The following EHHADH variants were observed in gnomAD, a reference collection of about 807,000 sequenced individuals.
EHHADH encodes enoyl-CoA hydratase and 3-hydroxyacyl CoA dehydrogenase, also known as peroxisomal bifunctional enzyme.
A neutral mutation model predicts 64.4 loss-of-function variants in EHHADH; 48 were observed. The observed-to-expected ratio is 0.75, with a 90% CI of 0.59 to 0.95. The LOEUF is 0.95. EHHADH is among the 40% of genes least tolerant of loss of function. The pLI is 0.00. For synonymous variants in EHHADH, 308 were observed against 326.7 expected (o/e 0.94, Z 0.62); for missense variants, 854 against 876.6 (o/e 0.97, Z 0.33).
At chr3:185,195,231 T>G (rs1390439690) in intron 6 of EHHADH, among the ~76,000 whole-genome samples, 1 of 152,076 alleles carries the variant, frequency 6.6e-6, no homozygotes, top group Non-Finnish European at 1.5e-5. Context: ...AAGCAACACA[T>G]GGGTAATAAT....
intron 5 of EHHADH, 36 bp from the exon 6 acceptor site, chr3:185,204,793 G>T (rs1372028748): frequency 1.3e-6 from 2 of 1,516,506 alleles, no homozygotes; most frequent in East Asian, 4.6e-5. Context: ...CTTTGGAAAT[G>T]TTACTTGTAC....
intron 6 of EHHADH, among the ~76,000 whole-genome samples, chr3:185,201,882 C>T (rs1490076033): frequency 6.6e-6 from 1 of 152,166 alleles, no homozygotes; most frequent in Non-Finnish European, 1.5e-5. Context: ...TACCAGCTTG[C>T]TATTATTTGC....
Position 185,239,499 on chromosome 3 carries a change from T to C in EHHADH, c.179-4037A>G, listed in dbSNP as rs559651407. ...GTACCCCTTGTAGAGATCTTTCACC[T>C]CATTGGTTAAATGTATTCCTAGGTA... On this transcript the variant is annotated intron_variant, in intron 2 of 6. Transcript: ENST00000231887. Among the ~76,000 whole-genome samples, 229 of 152,318 alleles carry C rather than the reference T, an allele frequency of 1.5e-3. 2 individuals carry two copies. Among genetic ancestry groups the C allele is most frequent in the African/African-American group, 4.6e-3 (193 of 41,582 alleles).
intron 6 of EHHADH, among the ~76,000 whole-genome samples, chr3:185,198,966 G>A (rs764201877): frequency 3.5e-4 from 54 of 152,196 alleles, no homozygotes; most frequent in South Asian, 1.0e-3. Context: ...TCAACCTTCA[G>A]GGAGCTTCTG....
intron 4 of EHHADH, among the ~76,000 whole-genome samples, chr3:185,218,725 G>GT (rs966019429): frequency 1.3e-4 from 20 of 151,554 alleles, no homozygotes; most frequent in Admixed American, 3.9e-4. Flanking sequence ...GCTGTGGATG[G>GT]TTAAAAAAAA....
chr3:185,192,097 G>T lies in EHHADH; in HGVS notation c.*129C>A. On this transcript the variant is annotated 3_prime_UTR_variant, in exon 7 of 7. Coordinates refer to ENST00000231887, the MANE Select transcript of EHHADH (RefSeq NM_001966.4). ...TGACCATTAGAGTCGTTACACAGAA[G>T]ATTCTAATGATTATTTATTTTGCTT... The T allele has an allele frequency of 9.0e-7, 1 of 1,107,998 alleles. No homozygotes were observed. Among genetic ancestry groups the T allele is most frequent in the Non-Finnish European group, 1.3e-6 (1 of 778,402 alleles). 68.6% of individuals were successfully genotyped at this position (1,107,998 alleles called of 1,614,324 possible). A position where few individuals can be genotyped will look rare whatever the true frequency, so the allele number is the denominator to read the frequency against.
intron 2 of EHHADH, among the ~76,000 whole-genome samples, chr3:185,239,899 T>C (rs1489698803): frequency 6.6e-6 from 1 of 152,176 alleles, no homozygotes; most frequent in Admixed American, 6.5e-5. Context: ...TCATTCAGTA[T>C]GATGTTGGCT....
At chr3:185,223,377 T>G (rs1403344465) in intron 4 of EHHADH, among the ~76,000 whole-genome samples, 1 of 152,186 alleles carries the variant, frequency 6.6e-6, no homozygotes, top group Non-Finnish European at 1.5e-5. Flanking sequence ...TAGTTTAGAA[T>G]AATGTGAGTT....
At chr3:185,204,843 C>A in intron 5 of EHHADH, 86 bp from the exon 6 acceptor site, 1 of 1,153,630 alleles carries the variant, frequency 8.7e-7, no homozygotes, top group South Asian at 1.6e-5. Context: ...ATAACCTGTT[C>A]AAATTCAAAG....
chr3:185,243,694 C>A (rs578121150), intron 2 of EHHADH, among the ~76,000 whole-genome samples: 1 of 152,044 alleles, frequency 6.6e-6, no homozygotes, highest in African/African-American at 2.4e-5. Flanking sequence ...TAATATGAAA[C>A]GATACTTGAT....
chr3:185,218,385 T>C (rs912835676), intron 4 of EHHADH, 145 bp from the exon 5 acceptor site: 6 of 474,320 alleles, frequency 1.3e-5, no homozygotes, highest in African/African-American at 1.2e-4. Flanking sequence ...CCACACTCAC[T>C]GAAAGAATAG....
At chr3:185,207,025 C>T (rs1481071266) in intron 5 of EHHADH, among the ~76,000 whole-genome samples, 4 of 151,978 alleles carry the variant, frequency 2.6e-5, no homozygotes, top group Non-Finnish European at 5.9e-5. Flanking sequence ...CAGTAGCCCA[C>T]GCCTGTAATT....
At chr3:185,202,625 G>A (rs1157902357) in intron 6 of EHHADH, among the ~76,000 whole-genome samples, 3 of 152,100 alleles carry the variant, frequency 2.0e-5, no homozygotes, top group South Asian at 2.1e-4. Flanking sequence ...CTTGACCTCC[G>A]CCTCCTGTCG....
intron 5 of EHHADH, among the ~76,000 whole-genome samples, chr3:185,210,492 G>C (rs1448596911): frequency 6.6e-6 from 1 of 151,974 alleles, no homozygotes; most frequent in Admixed American, 6.6e-5. Flanking sequence ...AAATTAGCCA[G>C]GCGTGGTGGG....
chr3:185,228,251 A>T (rs1265874958), intron 4 of EHHADH, among the ~76,000 whole-genome samples: 2 of 59,596 alleles, frequency 3.4e-5, no homozygotes, highest in Non-Finnish European at 4.6e-5. Flanking sequence ...AAAAAAAAAA[A>T]AAAAAAATAT....
chr3:185,236,016 T>C (rs1353434915), intron 2 of EHHADH, among the ~76,000 whole-genome samples: 1 of 152,188 alleles, frequency 6.6e-6, no homozygotes, highest in Non-Finnish European at 1.5e-5. Flanking sequence ...TAGATTTTTA[T>C]CTTCAATAAA....
intron 4 of EHHADH, among the ~76,000 whole-genome samples, chr3:185,221,982 C>G (rs570519597): frequency 9.1e-4 from 138 of 152,188 alleles, no homozygotes; most frequent in African/African-American, 3.1e-3. Context: ...CCCCTTTGCA[C>G]TCTTAAAAAT....
chr3:185,253,630 A>C (rs937534408), intron 1 of EHHADH, among the ~76,000 whole-genome samples: 1 of 151,766 alleles, frequency 6.6e-6, no homozygotes, highest in Non-Finnish European at 1.5e-5. Flanking sequence ...AGTAAGCAGG[A>C]GGGCTCCGCA....
At position 185,192,740 on chromosome 3, in the gene EHHADH, C is replaced by CT. The variant is rs962197042; in HGVS notation, c.1657dup (p.Arg553LysfsTer3). On this transcript the variant is annotated frameshift_variant, in exon 7 of 7. Transcript: ENST00000231887. LOFTEE classifies it high-confidence loss of function. ...AATTGGGCAGTACCTCCTATTACCC[C>CT]TTTTTCGGGCAGGAGTTCCTGGAAG... The CT allele has an allele frequency of 1.2e-5, 20 of 1,614,044 alleles. No individual in the cohort carries two copies. The highest frequency in any genetic ancestry group is 1.7e-5 in the Non-Finnish European group (20 of 1,180,006).
Sources: gnomAD v4.1 joint callset for allele counts (sites outside exome capture counted in the v4.1 genomes callset) on GRCh38, gnomAD v4.1.1 for gene constraint, MANE v1.5 for transcripts, NCBI Gene and HGNC (gene_info 2026-07-23, HGNC 2026-07-21) for gene names.